The following ZNF385D variants were observed in gnomAD, a reference collection of about 807,000 sequenced individuals.
ZNF385D encodes zinc finger protein 385D.
A neutral mutation model predicts 35.8 loss-of-function variants in ZNF385D; 15 were observed. The observed-to-expected ratio is 0.42, with a 90% CI of 0.28 to 0.64. The LOEUF is 0.64. Ranked by LOEUF, ZNF385D falls within the 30% of genes least tolerant of loss-of-function variation. The pLI is 0.23. For missense variants in ZNF385D, 474 were observed against 494.6 expected (o/e 0.96, Z 0.39); for synonymous variants, 212 against 186.8 (o/e 1.13, Z -1.10).
At chr3:22,113,201 A>G (rs1702631274) in intron 3 of ZNF385D, among the ~76,000 whole-genome samples, 1 of 152,100 alleles carries the variant, frequency 6.6e-6, no homozygotes, top group African/African-American at 2.4e-5. Flanking sequence ...TTTGCAGTTC[A>G]AGTGCTGCTA....
chr3:21,551,515 T>C (rs897154210), intron 3 of ZNF385D, among the ~76,000 whole-genome samples: 1 of 152,262 alleles, frequency 6.6e-6, no homozygotes, highest in African/African-American at 2.4e-5. Context: ...TCTTATTTCC[T>C]ATTCTATAGT....
intron 1 of ZNF385D, among the ~76,000 whole-genome samples, chr3:21,694,035 C>G (rs985157976): frequency 9.3e-5 from 4 of 43,188 alleles, no homozygotes; most frequent in Non-Finnish European, 1.9e-4. Flanking sequence ...CGTGCCACTA[C>G]GCCTGGCTTT....
chr3:22,153,439 TTC>T (rs1228336661), intron 3 of ZNF385D, among the ~76,000 whole-genome samples: 1 of 151,320 alleles, frequency 6.6e-6, no homozygotes, highest in East Asian at 1.9e-4. Context: ...CCTGTTTTAA[TTC>T]TGTTTGTCAC....
intron 2 of ZNF385D, among the ~76,000 whole-genome samples, chr3:21,652,400 GTATT>G (rs1250655507): frequency 2.8e-4 from 42 of 152,212 alleles, no homozygotes; most frequent in African/African-American, 9.2e-4. Context: ...TCACATTTAA[GTATT>G]TATACTGGCT....
intron 2 of ZNF385D, among the ~76,000 whole-genome samples, chr3:21,565,066 A>G (rs1313576897): frequency 6.6e-6 from 1 of 152,202 alleles, no homozygotes; most frequent in Non-Finnish European, 1.5e-5. Context: ...ATGGATTTCA[A>G]AATAGACTGG....
intron 3 of ZNF385D, among the ~76,000 whole-genome samples, chr3:21,841,698 G>T (rs1315030662): frequency 6.6e-6 from 1 of 151,758 alleles, no homozygotes; most frequent in Non-Finnish European, 1.5e-5. Flanking sequence ...GTATAAGTAT[G>T]CATAATTCTT....
chr3:21,705,702 A>G (rs973430915), intron 1 of ZNF385D, among the ~76,000 whole-genome samples: 1 of 152,140 alleles, frequency 6.6e-6, no homozygotes, highest in Admixed American at 6.5e-5. Context: ...TGAAAACAAA[A>G]CCTTCTCTGT....
intron 1 of ZNF385D, among the ~76,000 whole-genome samples, chr3:21,737,461 A>ATG (rs2069298872): frequency 1.6e-5 from 2 of 123,912 alleles, no homozygotes; most frequent in Non-Finnish European, 3.6e-5. Context: ...AGAGGGGGAT[A>ATG]TATATACACA....
chr3:22,113,862 C>G (rs944939749), intron 3 of ZNF385D, among the ~76,000 whole-genome samples: 2 of 152,000 alleles, frequency 1.3e-5, no homozygotes, highest in African/African-American at 4.8e-5. Flanking sequence ...TTCCTATTAC[C>G]CAGAATTACA....
intron 3 of ZNF385D, among the ~76,000 whole-genome samples, chr3:22,127,317 C>CTTTTTTTTTTTTTTT (rs71044975): frequency 1.8e-5 from 1 of 56,334 alleles, no homozygotes; most frequent in Non-Finnish European, 3.3e-5. Flanking sequence ...TCATTTCCTG[C>CTTTTTTTTTTTTTTT]TTTTTTTTTT....
chr3:22,341,853 T>C (rs1238292952), intron 2 of ZNF385D, among the ~76,000 whole-genome samples: 1 of 152,200 alleles, frequency 6.6e-6, no homozygotes, highest in Non-Finnish European at 1.5e-5. Flanking sequence ...GTAAATAACT[T>C]ATATTAATGC....
At chr3:21,514,375 G>A (rs1180239417) in intron 3 of ZNF385D, among the ~76,000 whole-genome samples, 1 of 152,066 alleles carries the variant, frequency 6.6e-6, no homozygotes, top group African/African-American at 2.4e-5. Flanking sequence ...ACATATGGAC[G>A]TGAGCAAAAC....
intron 3 of ZNF385D, among the ~76,000 whole-genome samples, chr3:22,046,843 G>A (rs1455907175): frequency 6.6e-6 from 1 of 152,044 alleles, no homozygotes; most frequent in Non-Finnish European, 1.5e-5. Context: ...TATTTGTAAA[G>A]TAAATGTGGA....
intron 3 of ZNF385D, among the ~76,000 whole-genome samples, chr3:21,855,486 C>T (rs907938389): frequency 1.3e-5 from 2 of 151,990 alleles, no homozygotes; most frequent in African/African-American, 4.8e-5. Flanking sequence ...CTGTTTTAAT[C>T]CAGTGAGTCT....
intron 3 of ZNF385D, among the ~76,000 whole-genome samples, chr3:21,988,777 G>T (rs936562816): frequency 2.6e-5 from 4 of 151,838 alleles, no homozygotes; most frequent in African/African-American, 7.3e-5. Context: ...CCTCGCTGCC[G>T]CTTTGCAGTT....
chr3:21,952,485 G>T (rs952763844), intron 3 of ZNF385D, among the ~76,000 whole-genome samples: 3 of 151,924 alleles, frequency 2.0e-5, no homozygotes, highest in Non-Finnish European at 4.4e-5. Flanking sequence ...AAAAAAAATG[G>T]ACTATACTTT....
intron 4 of ZNF385D, among the ~76,000 whole-genome samples, chr3:21,461,885 C>A (rs1007408043): frequency 3.3e-5 from 5 of 152,110 alleles, no homozygotes; most frequent in Non-Finnish European, 7.4e-5. Flanking sequence ...ATATCTGTGG[C>A]CTTATTAATA....
chr3:21,595,228 A>G (rs538315620), intron 2 of ZNF385D, among the ~76,000 whole-genome samples: 1 of 152,216 alleles, frequency 6.6e-6, no homozygotes, highest in South Asian at 2.1e-4. Context: ...GATCCTATAA[A>G]TGCCTATAGT....
intron 3 of ZNF385D, chr3:22,133,634 T>C (rs916124488): frequency 6.6e-6 from 1 of 152,026 alleles, no homozygotes; most frequent in Non-Finnish European, 1.5e-5. Context: ...GGGGAGATAC[T>C]CTATTCTTTC....
Sources: allele counts gnomAD v4.1 joint callset (sites outside exome capture counted in the v4.1 genomes callset), GRCh38; gene constraint gnomAD v4.1.1; transcripts MANE v1.5; gene names NCBI Gene and HGNC (gene_info 2026-07-23, HGNC 2026-07-21).